The following FAM81B variants were observed in gnomAD, a reference collection of about 807,000 sequenced individuals.
FAM81B encodes family with sequence similarity 81 member B.
In FAM81B, 60 loss-of-function variants were observed where a neutral mutation model predicts 58.7. That is an observed-to-expected ratio of 1.02 (90% CI 0.83 to 1.27). FAM81B has a LOEUF of 1.27. Ranked by LOEUF, FAM81B falls within the 50% of genes most tolerant of loss-of-function variation. The pLI, the probability that FAM81B is intolerant of heterozygous loss-of-function variation, is 0.00. For missense variants in FAM81B, 491 were observed against 522.0 expected, an observed-to-expected ratio of 0.94 and a Z score of 0.58; for synonymous variants, 189 against 179.6, an observed-to-expected ratio of 1.05 and a Z score of -0.42.
In FAM81B at chr5:95,450,274, G is replaced by A. The variant is rs1283407595; in HGVS notation, c.1351G>A (p.Glu451Lys). The change falls in exon 10 of 10, where the codon GAA becomes AAA. Residue 451 changes from glutamate (E) to lysine (K), a missense_variant. Physicochemically the swap from Glu to Lys is moderately conservative, Grantham distance 56. Transcript: ENST00000283357. ...ACAGCGCAAGATAGTGGAACTCCAG[G>A]AAGTATAAACCTTTTCAGTCATCTT... ...KLQRKIVELQEV is the reference protein window; with the variant it reads ...KLQRKIVELQKV 1 of 1,612,284 alleles carries A rather than the reference G, an allele frequency of 6.2e-7. No homozygotes were observed. Among genetic ancestry groups the A allele is most frequent in the Non-Finnish European group, 8.5e-7 (1 of 1,179,324 alleles).
intron 7 of FAM81B, 133 bp downstream of exon 7, chr5:95,437,039 C>A (rs930350436): frequency 9.9e-6 from 6 of 604,998 alleles, no homozygotes; most frequent in African/African-American, 9.3e-5. Context: ...TGAACTAACA[C>A]AGAGAATATT....
At chr5:95,410,300 A>C (rs1324860822) in intron 3 of FAM81B, among the ~76,000 whole-genome samples, 3 of 152,146 alleles carry the variant, frequency 2.0e-5, no homozygotes, top group African/African-American at 7.2e-5. Flanking sequence ...GCACCTGATG[A>C]CTTCCTCAGT....
intron 9 of FAM81B, among the ~76,000 whole-genome samples, chr5:95,449,303 C>A (rs1745703937): frequency 6.6e-6 from 1 of 152,070 alleles, no homozygotes; most frequent in Admixed American, 6.6e-5. Context: ...AAATTCAACC[C>A]TCACAATATA....
intron 1 of FAM81B, among the ~76,000 whole-genome samples, chr5:95,391,717 AAG>A (rs1211891749): frequency 6.6e-6 from 1 of 152,228 alleles, no homozygotes; most frequent in Non-Finnish European, 1.5e-5. Flanking sequence ...CACTTCTCAA[AAG>A]AAGACATTTA....
At chr5:95,391,665 A>AG (rs1418390034) in intron 1 of FAM81B, 152 bp downstream of exon 1, 2 of 809,796 alleles carry the variant, frequency 2.5e-6, no homozygotes, top group Non-Finnish European at 3.5e-6. Flanking sequence ...ATGTACAAGA[A>AG]AAAAAAACCC....
At chr5:95,412,334 C>T (rs1182872747) in intron 3 of FAM81B, among the ~76,000 whole-genome samples, 1 of 152,152 alleles carries the variant, frequency 6.6e-6, no homozygotes, top group Non-Finnish European at 1.5e-5. Flanking sequence ...ATTCCACATG[C>T]ACTCATATGC....
chr5:95,404,465 G>C (rs1339664307), intron 3 of FAM81B, among the ~76,000 whole-genome samples: 1 of 151,246 alleles, frequency 6.6e-6, no homozygotes, highest in Non-Finnish European at 1.5e-5. Flanking sequence ...GTGTGCACAT[G>C]TTACAAAAAC....
intron 7 of FAM81B, chr5:95,440,779 T>G (rs961144950): frequency 2.0e-5 from 6 of 302,142 alleles, no homozygotes; most frequent in African/African-American, 4.4e-5. Flanking sequence ...CGTCACATTT[T>G]GCGGGGAGGA....
intron 4 of FAM81B, among the ~76,000 whole-genome samples, chr5:95,419,326 T>C (rs904839639): frequency 3.9e-5 from 6 of 152,168 alleles, no homozygotes; most frequent in Non-Finnish European, 7.4e-5. Context: ...TTAAACATAA[T>C]TTAGGACTTT....
chr5:95,416,900 T>C (rs1762551766), intron 4 of FAM81B, among the ~76,000 whole-genome samples: 1 of 151,870 alleles, frequency 6.6e-6, no homozygotes, highest in Non-Finnish European at 1.5e-5. Context: ...AATAATTAGC[T>C]GGGTAGGGTA....
chr5:95,446,118 T>C (rs1050198858), intron 7 of FAM81B, among the ~76,000 whole-genome samples: 12 of 152,228 alleles, frequency 7.9e-5, no homozygotes, highest in Non-Finnish European at 1.6e-4. Context: ...AGAGACTATA[T>C]GGCCCACAAT....
Position 95,434,383 on chromosome 5 carries a change from A to G in FAM81B, c.787-2417A>G, listed in dbSNP as rs570817073. 6.6e-4 allele frequency among the ~76,000 whole-genome samples: 100 copies of G among 152,210 alleles called. 1 individual carries two copies. The highest frequency in any genetic ancestry group is 3.7e-3 in the South Asian group (18 of 4,818). On this transcript the variant is annotated intron_variant, in intron 6 of 9. Coordinates refer to ENST00000283357, the MANE Select transcript of FAM81B (RefSeq NM_152548.3). ...TGTGTTTTCCATGTGGCCTTTCTCC[A>G]GCAACAGCAGGTCAAGTCCTTCTCA...
At chr5:95,433,958 G>A (rs1745004729) in intron 6 of FAM81B, among the ~76,000 whole-genome samples, 1 of 152,076 alleles carries the variant, frequency 6.6e-6, no homozygotes, top group Non-Finnish European at 1.5e-5. Flanking sequence ...ATGTAGAGTA[G>A]AACAAACTTT....
chr5:95,423,201 T>C (rs1762733253), intron 5 of FAM81B, among the ~76,000 whole-genome samples: 1 of 152,186 alleles, frequency 6.6e-6, no homozygotes, highest in Non-Finnish European at 1.5e-5. Flanking sequence ...CATAAATCAG[T>C]CTCAATATTT....
chr5:95,408,537 T>A (rs7714652), intron 3 of FAM81B, among the ~76,000 whole-genome samples: 39,610 of 152,086 alleles, frequency 0.26, 5,362 homozygotes, highest in Middle Eastern at 0.28. Flanking sequence ...ATTCCAGGGA[T>A]GATTTGGAGG....
intron 5 of FAM81B, among the ~76,000 whole-genome samples, chr5:95,420,792 A>G (rs17084686): frequency 0.26 from 40,058 of 152,134 alleles, 6,437 homozygotes; most frequent in African/African-American, 0.45. Context: ...TTTACTGCCA[A>G]ATGGATAAAG....
rs769164639 is a variant in FAM81B, at chr5:95,413,999, G to T, written c.346G>T (p.Asp116Tyr). 3.7e-6 allele frequency: 6 copies of T among 1,614,078 alleles called. No individual in the cohort carries two copies. In the South Asian group the frequency reaches 6.6e-5, roughly 18 times the overall value. ...IPNTQRGQLEDRLNNQARTIA... is the reference protein window; with the variant it reads ...IPNTQRGQLEYRLNNQARTIA... Reference sequence around the variant, plus strand: ...AAACACCCAGAGAGGTCAGCTAGAAGACAGACTGAACAACCAGGCGCGTAC... The same window carrying T: ...AAACACCCAGAGAGGTCAGCTAGAATACAGACTGAACAACCAGGCGCGTAC... Residue 116 changes from aspartate to tyrosine, a missense_variant, in exon 4 of 10, where the codon GAC becomes TAC. Coordinates refer to ENST00000283357, the MANE Select transcript of FAM81B (RefSeq NM_152548.3).
intron 3 of FAM81B, among the ~76,000 whole-genome samples, chr5:95,401,505 T>G (rs940287851): frequency 2.0e-5 from 3 of 152,060 alleles, no homozygotes; most frequent in Admixed American, 1.3e-4. Context: ...ATAGAAAATG[T>G]TTTTTCTATT....
intron 5 of FAM81B, among the ~76,000 whole-genome samples, chr5:95,420,846 T>C (rs78987352): frequency 0.011 from 1,714 of 152,332 alleles, 21 homozygotes; most frequent in African/African-American, 0.039. Context: ...ATCAAAAGAA[T>C]TGATGGTATG....
Sources: allele counts gnomAD v4.1 joint callset (sites outside exome capture counted in the v4.1 genomes callset), GRCh38; gene constraint gnomAD v4.1.1; transcripts MANE v1.5; gene names NCBI Gene and HGNC (gene_info 2026-07-23, HGNC 2026-07-21).